The following TEX15 variants were observed in gnomAD, a reference collection of about 807,000 sequenced individuals.
The protein encoded by TEX15 is testis-expressed protein 15.
Under a neutral mutation model 237.3 loss-of-function variants are expected in TEX15, and 171 were observed. The ratio of observed to expected loss-of-function variants is 0.72; its 90% CI spans 0.64 to 0.82. TEX15 has a LOEUF of 0.82. TEX15 is among the 40% of genes least tolerant of loss of function. TEX15 has a pLI of 0.00. For synonymous variants in TEX15, 1,338 were observed against 1,269.8 expected (o/e 1.05, Z -1.14); for missense variants, 3,750 against 3,646.5 (o/e 1.03, Z -0.73).
chr8:30,911,122 TTA>T (rs1809207101), intron 1 of TEX15, among the ~76,000 whole-genome samples: 1 of 152,152 alleles, frequency 6.6e-6, no homozygotes, highest in Non-Finnish European at 1.5e-5. Flanking sequence ...TTGTACCACT[TTA>T]TTTTTATTTT....
intron 1 of TEX15, among the ~76,000 whole-genome samples, chr8:30,909,168 C>G (rs1347198315): frequency 6.6e-6 from 1 of 151,812 alleles, no homozygotes; most frequent in East Asian, 1.9e-4. Context: ...TTTTATTAAT[C>G]ATTATCCTAA....
chr8:30,908,270 G>A (rs540177035), intron 1 of TEX15, among the ~76,000 whole-genome samples: 25 of 152,106 alleles, frequency 1.6e-4, no homozygotes, highest in African/African-American at 5.8e-4. Flanking sequence ...ATATTGCCAA[G>A]GGTGGTCTCC....
Position 30,842,157 on chromosome 8 carries a change from T to C in TEX15, c.8010A>G (p.Lys2670=), listed in dbSNP as rs1311552937. 6.2e-7 allele frequency: 1 copy of C among 1,612,666 alleles called. No individual in the cohort carries two copies. Among genetic ancestry groups the C allele is most frequent in the Non-Finnish European group, 8.5e-7 (1 of 1,179,438 alleles). The change falls in exon 8 of 11, where the codon AAA becomes AAG. Residue 2670 remains lysine (K), a synonymous_variant. Coordinates refer to ENST00000643185, the MANE Select transcript of TEX15 (RefSeq NM_001350162.2). The part of the protein sequence containing the change: ...HIVKPGENNN[K]FSISTMLPPV... ...GGGGCAACATCGTAGAAATACTAAA[T>C]TTATTGTTATTTTCCCCAGGTTTTA...
chr8:30,887,181 C>A lies in TEX15; in HGVS notation c.122G>T (p.Arg41Met). The A allele has an allele frequency of 2.6e-6, 4 of 1,534,112 alleles. No homozygotes were observed. The highest frequency in any genetic ancestry group is 3.5e-6 in the Non-Finnish European group (4 of 1,146,320). ...AGAAATATTACCTTTCTCAGCTGTC[C>A]TCCTGATCTTAGGAATGGTGAATTT... The part of the protein sequence containing the change: ...LKKFTIPKIR[R>M]TAEKVYLSPC... Residue 41 changes from arginine (R) to methionine (M), a missense_variant, in exon 3 of 11, where the codon AGG becomes ATG. Physicochemically the swap from Arg to Met is moderately conservative, Grantham distance 91 (BLOSUM62 -1). Coordinates refer to ENST00000643185, the MANE Select transcript of TEX15 (RefSeq NM_001350162.2).
rs942316514 is a variant in TEX15, at chr8:30,842,129, C to T, written c.8038G>A (p.Val2680Ile). 5 of 1,613,294 alleles carry T rather than the reference C, an allele frequency of 3.1e-6. No individual in the cohort carries two copies. The South Asian group carries it at 4.4e-5, about 14-fold the overall frequency. Residue 2680 changes from valine (V) to isoleucine (I), a missense_variant, in exon 8 of 11, where the codon GTA (valine) becomes ATA (isoleucine). Coordinates refer to ENST00000643185, the MANE Select transcript of TEX15 (RefSeq NM_001350162.2). ...ATGTTTTTGTTTATGCACTCTGATA[C>T]TGGGGGCAACATCGTAGAAATACTA... ...KFSISTMLPP[V>I]SECINKNISN...
intron 3 of TEX15, among the ~76,000 whole-genome samples, chr8:30,875,524 CAT>C (rs985459364): frequency 2.6e-5 from 4 of 152,282 alleles, no homozygotes; most frequent in East Asian, 3.9e-4. Flanking sequence ...AGTACAAGAA[CAT>C]GTGTGTAAGA....
chr8:30,880,391 A>T (rs1808493608), intron 3 of TEX15, among the ~76,000 whole-genome samples: 1 of 152,162 alleles, frequency 6.6e-6, no homozygotes, highest in Admixed American at 6.5e-5. Context: ...CTTTGCTAGT[A>T]TTTAAAAGTA....
intron 4 of TEX15, among the ~76,000 whole-genome samples, chr8:30,868,304 TTAGA>T (rs954127964): frequency 1.3e-5 from 2 of 151,976 alleles, no homozygotes; most frequent in Admixed American, 1.3e-4. Context: ...AATTGGCAGA[TTAGA>T]TATTCTATAT....
Position 30,837,289 on chromosome 8 carries a change from G to T in TEX15, c.8995C>A (p.Gln2999Lys), listed in dbSNP as rs1807326100. 2.5e-6 allele frequency: 4 copies of T among 1,614,116 alleles called. No homozygotes were observed. The highest frequency in any genetic ancestry group is 2.5e-6 in the Non-Finnish European group (3 of 1,180,018). Reference protein sequence around the residue: ...NQGAEYSLSEQQNDKNSKVLM... With the variant: ...NQGAEYSLSEKQNDKNSKVLM... ...ACTTTTGAATTTTTGTCATTCTGTT[G>T]TTCAGAAAGAGAGTACTCTGCTCCT... The change falls in exon 10 of 11, where the codon CAA (glutamine) becomes AAA (lysine). Residue 2999 changes from glutamine to lysine, a missense_variant. Coordinates refer to ENST00000643185, the MANE Select transcript of TEX15 (RefSeq NM_001350162.2).
chr8:30,858,152 C>T (rs1807951145), intron 7 of TEX15, among the ~76,000 whole-genome samples: 1 of 152,108 alleles, frequency 6.6e-6, no homozygotes, highest in Non-Finnish European at 1.5e-5. Flanking sequence ...TCCATTTATC[C>T]AAGAAAATGA....
intron 2 of TEX15, among the ~76,000 whole-genome samples, chr8:30,896,391 T>C (rs1808906952): frequency 6.6e-6 from 1 of 152,146 alleles, no homozygotes; most frequent in African/African-American, 2.4e-5. Flanking sequence ...ATCTCAGTCT[T>C]TTAGAAACAG....
chr8:30,902,688 T>G (rs368829968), intron 1 of TEX15, among the ~76,000 whole-genome samples: 1 of 152,222 alleles, frequency 6.6e-6, no homozygotes, highest in East Asian at 1.9e-4. Context: ...AACTTCAGTG[T>G]GTATCAGAAT....
intron 2 of TEX15, among the ~76,000 whole-genome samples, chr8:30,897,952 T>A (rs1050131158): frequency 6.6e-6 from 1 of 152,194 alleles, no homozygotes; most frequent in Non-Finnish European, 1.5e-5. Flanking sequence ...CATGAGCCAC[T>A]AAGCTGGGCC....
At chr8:30,908,699 A>G (rs890793694) in intron 1 of TEX15, among the ~76,000 whole-genome samples, 3 of 152,252 alleles carry the variant, frequency 2.0e-5, no homozygotes, top group African/African-American at 7.2e-5. Context: ...TAGCTACTTC[A>G]GTTCATAAAA....
rs929730719 is a variant in TEX15, at chr8:30,860,006, C to T, written c.592G>A (p.Val198Ile). The T allele has an allele frequency of 3.3e-6, 5 of 1,506,880 alleles. No homozygotes were observed. Among genetic ancestry groups the T allele is most frequent in the Non-Finnish European group, 4.4e-6 (5 of 1,136,302 alleles). 93.3% of individuals were successfully genotyped at this position (1,506,880 alleles called of 1,614,324 possible). A position where few individuals can be genotyped will look rare whatever the true frequency, so the allele number is the denominator to read the frequency against. Reference sequence around the variant, plus strand: ...AAGTTAGGAGAAGGATCCAAAGAAACTTTATTTTTATCCACAGAAGGTTGG... The same window carrying T: ...AAGTTAGGAGAAGGATCCAAAGAAATTTTATTTTTATCCACAGAAGGTTGG... ...KIQPSVDKNK[V>I]SLDPSPNFDC... The change falls in exon 6 of 11, where the codon GTT becomes ATT. Residue 198 changes from valine (V) to isoleucine (I), a missense_variant. Physicochemically the swap from Val to Ile is conservative, Grantham distance 29. Transcript: ENST00000643185.
intron 10 of TEX15, among the ~76,000 whole-genome samples, chr8:30,836,123 G>A (rs751665063): frequency 6.8e-6 from 1 of 147,296 alleles, no homozygotes; most frequent in South Asian, 2.2e-4. Context: ...CCACATTTAT[G>A]TAGGTAAGTT....
chr8:30,848,750 G>C lies in TEX15; in HGVS notation c.1417C>G (p.Pro473Ala). ...TCTGAGGAGGAGGCAGAATTAGATG[G>C]TGTCGATTTTATTTCTGAATTAACA... is the stretch of plus-strand genomic sequence containing the variant. ...DNVNSEIKST[P>A]SNSASSSEVV... Residue 473 changes from proline to alanine, a missense_variant, in exon 8 of 11, where the codon CCA becomes GCA. Coordinates refer to ENST00000643185, the MANE Select transcript of TEX15 (RefSeq NM_001350162.2). 6.2e-7 allele frequency: 1 copy of C among 1,614,154 alleles called. No individual in the cohort carries two copies. The highest frequency in any genetic ancestry group is 2.2e-5 in the East Asian group (1 of 44,882).
intron 6 of TEX15, among the ~76,000 whole-genome samples, 151 bp downstream of exon 6, chr8:30,859,760 C>T (rs1187738826): frequency 1.3e-5 from 2 of 152,104 alleles, no homozygotes; most frequent in East Asian, 1.9e-4. Flanking sequence ...ATATTCCATA[C>T]AACAAATATT....
intron 4 of TEX15, among the ~76,000 whole-genome samples, chr8:30,874,122 C>G (rs1808352443): frequency 1.3e-5 from 2 of 152,110 alleles, no homozygotes; most frequent in South Asian, 4.1e-4. Flanking sequence ...AGGCAATATA[C>G]CACAACAAAT....
Sources: gnomAD v4.1 joint callset for allele counts (sites outside exome capture counted in the v4.1 genomes callset) on GRCh38, gnomAD v4.1.1 for gene constraint, MANE v1.5 for transcripts, NCBI Gene and HGNC (gene_info 2026-07-23, HGNC 2026-07-21) for gene names.